SORT1: variants seen among roughly 807,000 people sequenced by gnomAD.
SORT1 encodes sortilin 1, also known as sortilin.
Under a neutral mutation model 101.7 loss-of-function variants are expected in SORT1, and 39 were observed. The observed-to-expected ratio is 0.38, with a 90% CI of 0.30 to 0.50. The LOEUF is 0.50. Among genes scored for constraint, SORT1 ranks in the 20% least tolerant of loss-of-function variants. SORT1 has a pLI of 0.90. For missense variants in SORT1, 878 were observed against 1,040.4 expected (o/e 0.84, Z 2.15); for synonymous variants, 396 against 393.7 (o/e 1.01, Z -0.07).
intron 3 of SORT1, among the ~76,000 whole-genome samples, chr1:109,359,159 GGTGAGGGTCTGCT>G (rs1650545572): frequency 1.3e-4 from 20 of 152,124 alleles, no homozygotes. Context: ...TGTGCTGTCT[GGTGAGGGTCTGCT>G]TCCTGCTTCA....
intron 18 of SORT1, 142 bp from the exon 19 acceptor site, chr1:109,314,526 T>G: frequency 8.4e-7 from 1 of 1,193,038 alleles, no homozygotes; most frequent in Non-Finnish European, 1.2e-6. Flanking sequence ...ATATGAAAAA[T>G]GTACGACATG....
At chr1:109,316,555 T>G (rs1303732114) in intron 17 of SORT1, among the ~76,000 whole-genome samples, 1 of 152,170 alleles carries the variant, frequency 6.6e-6, no homozygotes, top group East Asian at 1.9e-4. Context: ...TTTGTTTTCC[T>G]AAATGACTCT....
At position 109,310,637 on chromosome 1, in the gene SORT1, C is replaced by T. The variant is rs573323024; in HGVS notation, c.*3406G>A. 6.5e-6 allele frequency: 1 copy of T among 153,164 alleles called. No individual in the cohort carries two copies. Among genetic ancestry groups the T allele is most frequent in the East Asian group, 1.9e-4 (1 of 5,188 alleles). 9.5% of individuals were successfully genotyped at this position (153,164 alleles called of 1,614,324 possible). A position where few individuals can be genotyped will look rare whatever the true frequency, so the allele number is the denominator to read the frequency against. The stretch of plus-strand genomic sequence containing the variant: ...CCTGGATGAATATAGGGGCGAGGGG[C>T]TACACTGACAATGAGCAGGATGCAC... On this transcript the variant is annotated 3_prime_UTR_variant, in exon 20 of 20. Transcript: ENST00000256637.
chr1:109,327,461 C>G, intron 12 of SORT1, 38 bp downstream of exon 12: 10 of 1,295,072 alleles, frequency 7.7e-6, no homozygotes, highest in Non-Finnish European at 9.9e-6. Flanking sequence ...TGCTCAGCCA[C>G]TGTTCCAGTT....
rs185714603 is a variant in SORT1 at position 109,371,521 on chromosome 1, G to C, written c.307-1932C>G. On this transcript the variant is annotated intron_variant, in intron 1 of 19. Transcript: ENST00000256637. The stretch of plus-strand genomic sequence containing the variant: ...AAAAAGTCCATCAGTTATGGCACTG[G>C]AATTCGTGGTTGTCTTCATCAGGCT... Among the ~76,000 whole-genome samples the C allele has an allele frequency of 1.5e-3, 224 of 152,280 alleles. 1 individual carries two copies. Among genetic ancestry groups the C allele is most frequent in the East Asian group, 0.014 (75 of 5,184 alleles).
In SORT1 at chr1:109,354,452, A is replaced by T; in HGVS notation, c.623T>A (p.Val208Glu). The T allele has an allele frequency of 6.2e-7, 1 of 1,613,612 alleles. No homozygotes were observed. The highest frequency in any genetic ancestry group is 8.5e-7 in the Non-Finnish European group (1 of 1,179,532). The change falls in exon 5 of 20, where the codon GTG becomes GAG. Residue 208 changes from valine to glutamate, a missense_variant. Coordinates refer to ENST00000256637, the MANE Select transcript of SORT1 (RefSeq NM_002959.7). The stretch of plus-strand genomic sequence containing the variant: ...AGGATGAAAAGGGAGATCTGTTTGC[A>T]CAAAATTCTTCGCAAAATCTGATGA... ...FRSSDFAKNFVQTDLPFHPLT... is the reference protein window; with the variant it reads ...FRSSDFAKNFEQTDLPFHPLT...
chr1:109,369,455 A>AG (rs1651335854), intron 2 of SORT1, 75 bp downstream of exon 2: 2 of 887,636 alleles, frequency 2.3e-6, no homozygotes, highest in East Asian at 4.8e-5. Context: ...AAATGATATT[A>AG]GGTGCTTAAC....
chr1:109,354,406 G>A lies in SORT1; in HGVS notation c.669C>T (p.Ser223=). The change falls in exon 5 of 20, where the codon AGC becomes AGT. Residue 223 remains serine (S), a synonymous_variant. Transcript: ENST00000256637. ...CTAAAAGATAATCAGAATTCTGAGG[G>A]CTATACATCATCTGAGTGAGAGGAT... ...PFHPLTQMMY[S]PQNSDYLLAL... is the part of the protein sequence containing the mutation. The A allele has an allele frequency of 1.2e-6, 2 of 1,613,392 alleles. No homozygotes were observed. The highest frequency in any genetic ancestry group is 1.7e-6 in the Non-Finnish European group (2 of 1,179,402).
At chr1:109,341,060 T>A (rs1649187595) in intron 9 of SORT1, among the ~76,000 whole-genome samples, 181 bp from the exon 10 acceptor site, 1 of 152,258 alleles carries the variant, frequency 6.6e-6, no homozygotes, top group African/African-American at 2.4e-5. Context: ...TATGCCCATC[T>A]TTAATTCTAG....
chr1:109,389,287 G>A (rs1011168472), intron 1 of SORT1, among the ~76,000 whole-genome samples: 4 of 152,170 alleles, frequency 2.6e-5, no homozygotes, highest in African/African-American at 4.8e-5. Flanking sequence ...TTTATGTGAC[G>A]GGAAACTGAG....
intron 1 of SORT1, among the ~76,000 whole-genome samples, chr1:109,376,479 G>A (rs952300804): frequency 1.3e-5 from 2 of 151,214 alleles, no homozygotes; most frequent in African/African-American, 4.9e-5. Context: ...CAATAGCAAA[G>A]ACATGGAATC....
chr1:109,344,524 C>T (rs567911322), intron 8 of SORT1, among the ~76,000 whole-genome samples: 1 of 152,288 alleles, frequency 6.6e-6, no homozygotes, highest in East Asian at 1.9e-4. Flanking sequence ...CTGGCTGTGC[C>T]TCATCCTACT....
chr1:109,395,347 A>C (rs1440642951), intron 1 of SORT1, among the ~76,000 whole-genome samples: 1 of 151,456 alleles, frequency 6.6e-6, no homozygotes, highest in Non-Finnish European at 1.5e-5. Context: ...CAGCCTCCAG[A>C]ATAACTGGAA....
At chr1:109,355,568 G>T in intron 3 of SORT1, 99 bp from the exon 4 acceptor site, 1 of 638,374 alleles carries the variant, frequency 1.6e-6, no homozygotes, top group Non-Finnish European at 2.9e-6. Flanking sequence ...CAATCATGCT[G>T]AGAGACTCGG....
intron 1 of SORT1, chr1:109,393,249 A>C (rs1219724726): frequency 2.6e-5 from 26 of 985,284 alleles, no homozygotes; most frequent in Non-Finnish European, 3.0e-5. Context: ...CAGATGCTTT[A>C]AAGTTGGAGT....
intron 16 of SORT1, 146 bp from the exon 17 acceptor site, chr1:109,317,104 A>T: frequency 1.6e-6 from 1 of 606,532 alleles, no homozygotes; most frequent in Non-Finnish European, 2.9e-6. Context: ...GTCCACAGGG[A>T]TGTTTTGGGG....
At chr1:109,329,381 G>A (rs1336505241) in intron 11 of SORT1, among the ~76,000 whole-genome samples, 1 of 152,090 alleles carries the variant, frequency 6.6e-6, no homozygotes, top group Admixed American at 6.6e-5. Flanking sequence ...AGCCTCCCAA[G>A]TAGCTGGGAC....
At position 109,351,009 on chromosome 1, in the gene SORT1, G is replaced by A. The variant is rs556562529; in HGVS notation, c.709-7C>T. 1.3e-6 allele frequency: 2 copies of A among 1,579,434 alleles called. No homozygotes were observed. Among genetic ancestry groups the A allele is most frequent in the South Asian group, 2.2e-5 (2 of 90,406 alleles). On this transcript the variant is annotated splice_region_variant and splice_polypyrimidine_tract_variant and intron_variant, in intron 5 of 19. Coordinates refer to ENST00000256637, the MANE Select transcript of SORT1 (RefSeq NM_002959.7). ...TGGACACCCACAGGCCATTCTGAAAGATTATAAATGACTTATCAAAATTCT... is the reference window on the plus strand; with the variant it reads ...TGGACACCCACAGGCCATTCTGAAAAATTATAAATGACTTATCAAAATTCT...
chr1:109,376,539 A>G (rs1166362931), intron 1 of SORT1, among the ~76,000 whole-genome samples: 1 of 152,196 alleles, frequency 6.6e-6, no homozygotes, highest in Non-Finnish European at 1.5e-5. Flanking sequence ...TATGGTCTAT[A>G]TACACCATGT....
Sources: gnomAD v4.1 joint callset for allele counts (sites outside exome capture counted in the v4.1 genomes callset) on GRCh38, gnomAD v4.1.1 for gene constraint, MANE v1.5 for transcripts, NCBI Gene and HGNC (gene_info 2026-07-23, HGNC 2026-07-21) for gene names.